The following DSCAML1 variants were observed in gnomAD, a reference collection of about 807,000 sequenced individuals.
The protein encoded by DSCAML1 is DS cell adhesion molecule like 1, also known as cell adhesion molecule DSCAML1.
In DSCAML1, 38 loss-of-function variants were observed where a neutral mutation model predicts 200.5. That is an observed-to-expected ratio of 0.19 (90% CI 0.15 to 0.25). The LOEUF (loss-of-function observed/expected upper bound fraction) is 0.25. DSCAML1 is among the 10% of genes least tolerant of loss of function. The pLI, the probability that DSCAML1 is intolerant of heterozygous loss-of-function variation, is 1.00. For missense variants in DSCAML1, 2,223 were observed against 2,858.8 expected, an observed-to-expected ratio of 0.78 and a Z score of 5.07; for synonymous variants, 1,215 against 1,165.0, an observed-to-expected ratio of 1.04 and a Z score of -0.87.
At position 117,444,291 on chromosome 11, in the gene DSCAML1, A is replaced by G. The variant is rs574827392; in HGVS notation, c.3709-252T>C. 8.3e-4 allele frequency among the ~76,000 whole-genome samples: 126 copies of G among 152,258 alleles called. 2 individuals carry two copies. The highest frequency in any genetic ancestry group is 8.0e-3 in the Admixed American group (123 of 15,290). ...CTCAGTTTACCTCTTTAACTGATCCACGCTCTGGCAGCTGTGGCTCAGGCC... is the reference window on the plus strand; with the variant it reads ...CTCAGTTTACCTCTTTAACTGATCCGCGCTCTGGCAGCTGTGGCTCAGGCC... On this transcript the variant is annotated intron_variant, in intron 20 of 32. Coordinates refer to ENST00000651296, the MANE Select transcript of DSCAML1 (RefSeq NM_020693.4).
chr11:117,430,793 G>A lies in DSCAML1; in HGVS notation c.5615C>T (p.Ser1872Leu), dbSNP rs1364597706. The change falls in exon 32 of 33, where the codon TCA (serine) becomes TTA (leucine). Residue 1872 changes from serine (S) to leucine (L), a missense_variant. Coordinates refer to ENST00000651296, the MANE Select transcript of DSCAML1 (RefSeq NM_020693.4). The part of the protein sequence containing the change: ...SEPGICRFTA[S>L]PPKPQDADRG... ...GTCCGCATCCTGGGGCTTGGGTGGT[G>A]AGGCGGTAAAGCGGCAGATGCCAGG... 3.1e-6 allele frequency: 5 copies of A among 1,614,060 alleles called. No individual in the cohort carries two copies.
At chr11:117,724,569 T>C (rs1158191852) in intron 3 of DSCAML1, among the ~76,000 whole-genome samples, 1 of 152,268 alleles carries the variant, frequency 6.6e-6, no homozygotes, top group Non-Finnish European at 1.5e-5. Context: ...TTGCTCAGTA[T>C]TTATTTCACC....
chr11:117,632,617 T>C (rs2052198415), intron 3 of DSCAML1, among the ~76,000 whole-genome samples: 1 of 152,218 alleles, frequency 6.6e-6, no homozygotes, highest in African/African-American at 2.4e-5. Flanking sequence ...CGTAGTAGAC[T>C]TGCTTTGAGT....
chr11:117,444,836 C>A (rs1027682687), intron 20 of DSCAML1, among the ~76,000 whole-genome samples: 3 of 152,158 alleles, frequency 2.0e-5, no homozygotes, highest in Admixed American at 6.5e-5. Flanking sequence ...TTGCAGACCT[C>A]CTGTCAGCCT....
intron 11 of DSCAML1, among the ~76,000 whole-genome samples, chr11:117,484,886 A>AGTGTGT (rs55850829): frequency 0.011 from 1,341 of 119,136 alleles, 15 homozygotes; most frequent in Non-Finnish European, 0.013. Context: ...GCAGAGGAAC[A>AGTGTGT]GTGTGTGTGT....
rs2048648610 is a variant in DSCAML1, at chr11:117,469,768, A to T, written c.3024+142T>A. ...TGCCTCCCTCTCCTTCCATCTCTCA[A>T]ATCTCACTAGGTTTAGTGACAAAAC... On this transcript the variant is annotated intron_variant, in intron 16 of 32. Transcript: ENST00000651296. This position sits in a 1 kb window ranked among gnomAD's most constrained non-coding sequence, Gnocchi z 4.1. 2 of 674,660 alleles carry T rather than the reference A, an allele frequency of 3.0e-6. No homozygotes were observed. Among genetic ancestry groups the T allele is most frequent in the South Asian group, 1.1e-4 (2 of 18,962 alleles). 41.8% of individuals were successfully genotyped at this position (674,660 alleles called of 1,614,324 possible).
rs541077299 is a variant in DSCAML1 at position 117,741,157 on chromosome 11, A to C, written c.511+35634T>G. On this transcript the variant is annotated intron_variant, in intron 3 of 32. Coordinates refer to ENST00000651296, the MANE Select transcript of DSCAML1 (RefSeq NM_020693.4). ...TTGTGCCTCTCCTTCCATAGTATGG[A>C]GTTGTTGCTGTAAAGCAGCCGCCCA... 3.3e-5 allele frequency among the ~76,000 whole-genome samples: 5 copies of C among 152,294 alleles called. No individual in the cohort carries two copies. In the South Asian group the frequency reaches 8.3e-4, roughly 25 times the overall value.
chr11:117,446,731 T>C (rs2048185332), intron 20 of DSCAML1, among the ~76,000 whole-genome samples: 1 of 152,248 alleles, frequency 6.6e-6, no homozygotes, highest in Non-Finnish European at 1.5e-5. Flanking sequence ...CCACTCACCC[T>C]GCTGGTAGAA....
chr11:117,768,184 A>G (rs1380219252), intron 3 of DSCAML1, among the ~76,000 whole-genome samples: 1 of 152,200 alleles, frequency 6.6e-6, no homozygotes, highest in Non-Finnish European at 1.5e-5. Context: ...GTTATTTACT[A>G]TGTTGGTACA....
At chr11:117,717,304 AC>A (rs1386299109) in intron 3 of DSCAML1, among the ~76,000 whole-genome samples, 1 of 150,806 alleles carries the variant, frequency 6.6e-6, no homozygotes. Flanking sequence ...ATTCCATCCT[AC>A]CCACCCTCGA....
At chr11:117,725,502 C>T (rs2054110650) in intron 3 of DSCAML1, among the ~76,000 whole-genome samples, 1 of 152,224 alleles carries the variant, frequency 6.6e-6, no homozygotes, top group Non-Finnish European at 1.5e-5. Context: ...ACTATTATGA[C>T]TAAATCAAGT....
chr11:117,480,842 C>T lies in DSCAML1; in HGVS notation c.2657-271G>A, dbSNP rs1825167730. Among the ~76,000 whole-genome samples the T allele has an allele frequency of 1.3e-5, 2 of 152,142 alleles. No homozygotes were observed. The highest frequency in any genetic ancestry group is 4.8e-5 in the African/African-American group (2 of 41,440). On this transcript the variant is annotated intron_variant, in intron 13 of 32. Transcript: ENST00000651296. This position sits in a 1 kb window ranked among gnomAD's most constrained non-coding sequence, Gnocchi z 4.1. ...CCTGTTAGCTGACGGCATTTTTCCCCTTCCAACTTCCCCAGCTTGACTTTC... is the reference window on the plus strand; with the variant it reads ...CCTGTTAGCTGACGGCATTTTTCCCTTTCCAACTTCCCCAGCTTGACTTTC...
intron 4 of DSCAML1, among the ~76,000 whole-genome samples, chr11:117,530,821 A>C (rs2050064556): frequency 6.6e-6 from 1 of 152,148 alleles, no homozygotes; most frequent in Non-Finnish European, 1.5e-5. Context: ...TTCCTTTTCC[A>C]GAGGCCTAGA....
At chr11:117,491,922 GAGCCAGGGGACCAAGGGGTTAGGCT>G (rs1488504069) in intron 11 of DSCAML1, among the ~76,000 whole-genome samples, 1 of 152,186 alleles carries the variant, frequency 6.6e-6, no homozygotes, top group Non-Finnish European at 1.5e-5. Flanking sequence ...ATTGGTCTGG[GAGCCAGGGGACCAAGGGGTTAGGCT>G]AGTCTGCACT....
At chr11:117,776,995 C>T (rs191056207) in intron 2 of DSCAML1, 58 bp from the exon 3 acceptor site, 3 of 1,586,756 alleles carry the variant, frequency 1.9e-6, no homozygotes, top group East Asian at 2.2e-5. Context: ...GGTGAGGGTC[C>T]CCAGAAAGGA....
At position 117,469,601 on chromosome 11, in the gene DSCAML1, T is replaced by C. The variant is rs1213592317; in HGVS notation, c.3024+309A>G. 6.6e-6 allele frequency among the ~76,000 whole-genome samples: 1 copy of C among 152,096 alleles called. No individual in the cohort carries two copies. Among genetic ancestry groups the C allele is most frequent in the African/African-American group, 2.4e-5 (1 of 41,404 alleles). ...CCAACCTTATTACAACATGTGGGGT[T>C]TGGACGACGGGCCAGCACCACCGAG... On this transcript the variant is annotated intron_variant, in intron 16 of 32. Transcript: ENST00000651296. The surrounding 1 kb of genome is among the most constrained non-coding windows in gnomAD (Gnocchi z 4.1).
intron 19 of DSCAML1, 111 bp downstream of exon 19, chr11:117,458,643 A>G: frequency 7.3e-7 from 1 of 1,370,970 alleles, no homozygotes; most frequent in Non-Finnish European, 9.9e-7. Flanking sequence ...CCACAGTTTG[A>G]AGGCCAGGAG....
At chr11:117,551,090 G>C in intron 3 of DSCAML1, among the ~76,000 whole-genome samples, 1 of 152,164 alleles carries the variant, frequency 6.6e-6, no homozygotes, top group African/African-American at 2.4e-5. Flanking sequence ...CCTACACGTT[G>C]CGTTATCCTC....
intron 11 of DSCAML1, among the ~76,000 whole-genome samples, chr11:117,490,393 C>T (rs545294754): frequency 2.6e-5 from 4 of 152,294 alleles, no homozygotes; most frequent in South Asian, 2.1e-4. Flanking sequence ...CACTCACTCC[C>T]GGCATCCACA....
Sources: allele counts gnomAD v4.1 joint callset (sites outside exome capture counted in the v4.1 genomes callset), GRCh38; gene constraint gnomAD v4.1.1; non-coding constraint Gnocchi (gnomAD v3.1); transcripts MANE v1.5; gene names NCBI Gene and HGNC (gene_info 2026-07-23, HGNC 2026-07-21).